Variants in RASA2 observed in about 807,000 individuals in gnomAD.
RASA2 encodes RAS p21 protein activator 2.
In RASA2, 155 loss-of-function variants were observed where a neutral mutation model predicts 118.2. The observed-to-expected ratio is 1.31, with a 90% confidence interval of 1.15 to 1.50. The LOEUF is 1.50. Ranked by LOEUF, RASA2 falls within the 40% of genes most tolerant of loss-of-function variation. RASA2 has a pLI of 0.00. For synonymous variants in RASA2, 353 were observed against 349.1 expected (o/e 1.01, Z -0.12); for missense variants, 1,016 against 1,009.6 (o/e 1.01, Z -0.09).
chr3:141,489,823 G>A (rs953478730), intron 1 of RASA2, among the ~76,000 whole-genome samples: 1 of 151,798 alleles, frequency 6.6e-6, no homozygotes, highest in Non-Finnish European at 1.5e-5. Flanking sequence ...ATATCTGTCA[G>A]TTGGACAGAT....
chr3:141,613,533 A>G lies in RASA2; in HGVS notation c.*1220A>G, dbSNP rs901933421. The G allele has an allele frequency of 2.0e-5, 3 of 152,212 alleles. No individual in the cohort carries two copies. The highest frequency in any genetic ancestry group is 7.2e-5 in the African/African-American group (3 of 41,464). 9.4% of individuals were successfully genotyped at this position (152,212 alleles called of 1,614,324 possible). A position where few individuals can be genotyped will look rare whatever the true frequency, so the allele number is the denominator to read the frequency against. On this transcript the variant is annotated 3_prime_UTR_variant, in exon 24 of 24. Transcript: ENST00000286364. Reference sequence around the variant, plus strand: ...GAGGGATACACTTTGCTTCATCAGTATTAAAAACCATGGTACTCTTATTTT... The same window carrying G: ...GAGGGATACACTTTGCTTCATCAGTGTTAAAAACCATGGTACTCTTATTTT...
intron 5 of RASA2, among the ~76,000 whole-genome samples, chr3:141,542,541 C>T (rs766632619): frequency 3.9e-5 from 6 of 152,216 alleles, no homozygotes; most frequent in Admixed American, 1.3e-4. Context: ...TACAGATTTA[C>T]AGAAAGTTGT....
At chr3:141,555,795 G>C in intron 6 of RASA2, 45 bp from the exon 7 acceptor site, 1 of 1,509,498 alleles carries the variant, frequency 6.6e-7, no homozygotes. Flanking sequence ...TTATAATTGT[G>C]TACTGTTAAG....
intron 4 of RASA2, among the ~76,000 whole-genome samples, chr3:141,535,071 G>A (rs759140407): frequency 1.3e-5 from 2 of 152,076 alleles, no homozygotes. Flanking sequence ...ACAAATTGCA[G>A]GTTTGTGACA....
chr3:141,523,368 C>T (rs943961057), intron 3 of RASA2, among the ~76,000 whole-genome samples: 2 of 152,152 alleles, frequency 1.3e-5, no homozygotes, highest in African/African-American at 4.8e-5. Context: ...CCTGCCTTAG[C>T]CTCCCAAAGT....
intron 4 of RASA2, among the ~76,000 whole-genome samples, chr3:141,531,636 AAT>A (rs2082262334): frequency 6.6e-6 from 1 of 151,962 alleles, no homozygotes; most frequent in Non-Finnish European, 1.5e-5. Context: ...ACCCAGATAT[AAT>A]ATAGTCATTT....
intron 20 of RASA2, among the ~76,000 whole-genome samples, chr3:141,608,279 A>G (rs576955170): frequency 6.6e-6 from 1 of 152,272 alleles, no homozygotes; most frequent in Non-Finnish European, 1.5e-5. Context: ...TGTGGCTTCT[A>G]AAACTTACAT....
chr3:141,491,829 T>C (rs191223865), intron 1 of RASA2, among the ~76,000 whole-genome samples: 2 of 152,370 alleles, frequency 1.3e-5, no homozygotes, highest in Admixed American at 1.3e-4. Flanking sequence ...CTCATATTCA[T>C]ACTTTACACA....
intron 4 of RASA2, among the ~76,000 whole-genome samples, chr3:141,536,818 G>A (rs796158714): frequency 2.1e-5 from 3 of 146,070 alleles, no homozygotes; most frequent in African/African-American, 7.7e-5. Flanking sequence ...TGTGATCTCA[G>A]TTCACCACAA....
At chr3:141,559,027 C>CA (rs1382310885) in intron 8 of RASA2, 65 bp downstream of exon 8, 7 of 1,372,910 alleles carry the variant, frequency 5.1e-6, no homozygotes, top group Admixed American at 2.1e-5. Flanking sequence ...TAGATTCAAC[C>CA]AAAAAAAGTA....
chr3:141,585,729 A>C (rs6440013), intron 17 of RASA2, among the ~76,000 whole-genome samples: 1 of 151,978 alleles, frequency 6.6e-6, no homozygotes, highest in African/African-American at 2.4e-5. Context: ...GAACCCAGGA[A>C]GGAGAGGTTG....
rs1394181436 is a variant in RASA2 at position 141,487,097 on chromosome 3, C to G, written c.14C>G (p.Ala5Gly). 2 of 1,381,086 alleles carry G rather than the reference C, an allele frequency of 1.4e-6. No individual in the cohort carries two copies. Among genetic ancestry groups the G allele is most frequent in the African/African-American group, 1.5e-5 (1 of 65,816 alleles). 85.6% of individuals were successfully genotyped at this position (1,381,086 alleles called of 1,614,324 possible). Reference sequence around the variant, plus strand: ...CCGGGCGGCACCATGGCGGCGGCGGCGCCTGCTGCTGCGGCGGCTTCTTCC... The same window carrying G: ...CCGGGCGGCACCATGGCGGCGGCGGGGCCTGCTGCTGCGGCGGCTTCTTCC... MAAA[A>G]PAAAAASSEA... The change falls in exon 1 of 24, where the codon GCG becomes GGG. Residue 5 changes from alanine to glycine, a missense_variant. Around this residue, in one of 2 missense-constraint regions of RASA2, gnomAD observed 896 missense variants for 836.4 expected, o/e 1.07. Coordinates refer to ENST00000286364, the MANE Select transcript of RASA2 (RefSeq NM_006506.5).
chr3:141,594,624 AC>A (rs1184095315), intron 19 of RASA2, among the ~76,000 whole-genome samples: 1 of 152,196 alleles, frequency 6.6e-6, no homozygotes, highest in African/African-American at 2.4e-5. Context: ...CAGTGGAATG[AC>A]CTGTTTAAAA....
At chr3:141,521,321 G>A (rs1298204880) in intron 3 of RASA2, among the ~76,000 whole-genome samples, 1 of 152,120 alleles carries the variant, frequency 6.6e-6, no homozygotes, top group Non-Finnish European at 1.5e-5. Context: ...AAAGATGGGA[G>A]AGATTAATGT....
chr3:141,608,150 C>G (rs1210479728), intron 20 of RASA2, among the ~76,000 whole-genome samples: 1 of 152,182 alleles, frequency 6.6e-6, no homozygotes. Context: ...CTTAAGCCAA[C>G]CAGGATGATT....
At chr3:141,563,846 A>G (rs559381275) in intron 9 of RASA2, among the ~76,000 whole-genome samples, 3 of 152,178 alleles carry the variant, frequency 2.0e-5, no homozygotes, top group African/African-American at 4.8e-5. Flanking sequence ...CTTTTAAGCC[A>G]TTAGCAAAGA....
At chr3:141,526,611 T>G (rs1198283596) in intron 3 of RASA2, among the ~76,000 whole-genome samples, 3 of 152,198 alleles carry the variant, frequency 2.0e-5, no homozygotes, top group Non-Finnish European at 2.9e-5. Flanking sequence ...TCCTGTGCCA[T>G]TCTTATATAT....
chr3:141,544,214 G>A (rs368435383), intron 5 of RASA2, among the ~76,000 whole-genome samples: 1 of 152,048 alleles, frequency 6.6e-6, no homozygotes, highest in East Asian at 1.9e-4. Flanking sequence ...TGATTGTGAT[G>A]TATCCTGGAA....
In RASA2 at chr3:141,576,995, T is replaced by C. The variant is rs2107764238; in HGVS notation, c.1484-5T>C. 4 of 1,567,038 alleles carry C rather than the reference T, an allele frequency of 2.6e-6. No individual in the cohort carries two copies. Among genetic ancestry groups the C allele is most frequent in the Non-Finnish European group, 3.5e-6 (4 of 1,156,152 alleles). On this transcript the variant is annotated splice_polypyrimidine_tract_variant and splice_region_variant and intron_variant, in intron 14 of 23. Transcript: ENST00000286364. ...GCATGACATTTCACCATTTTTTTCC[T>C]GCAGATGACCCTCATGTTCAGTATT...
Sources: gnomAD v4.1 joint callset for allele counts (sites outside exome capture counted in the v4.1 genomes callset) on GRCh38, gnomAD v4.1.1 for gene constraint, gnomAD v4.1.1 regional missense constraint, MANE v1.5 for transcripts, NCBI Gene and HGNC (gene_info 2026-07-23, HGNC 2026-07-21) for gene names.